Variants in PLXNA2 observed in about 807,000 individuals in gnomAD.
PLXNA2 encodes the protein plexin-A2.
In PLXNA2, 91 loss-of-function variants were observed where a neutral mutation model predicts 193.5. The observed-to-expected ratio is 0.47, with a 90% CI of 0.40 to 0.56. The LOEUF (loss-of-function observed/expected upper bound fraction) is 0.56. Among genes scored for constraint, PLXNA2 ranks in the 20% least tolerant of loss-of-function variants. PLXNA2 has a pLI of 0.00. For missense variants in PLXNA2, 1,995 were observed against 2,503.2 expected, an observed-to-expected ratio of 0.80 and a Z score of 4.33; for synonymous variants, 997 against 1,027.3, an observed-to-expected ratio of 0.97 and a Z score of 0.56.
intron 13 of PLXNA2, among the ~76,000 whole-genome samples, chr1:208,058,175 G>T (rs1051045379): frequency 6.6e-6 from 1 of 152,184 alleles, no homozygotes; most frequent in Non-Finnish European, 1.5e-5. Context: ...TACAGCAGAT[G>T]AGAGGGAAGC....
At chr1:208,114,749 T>C (rs1667586334) in intron 4 of PLXNA2, among the ~76,000 whole-genome samples, 2 of 152,218 alleles carry the variant, frequency 1.3e-5, no homozygotes, top group Non-Finnish European at 2.9e-5. Context: ...GAGTGACTGG[T>C]TCCCTTGGGC....
chr1:208,066,910 T>C (rs879857147), intron 12 of PLXNA2, among the ~76,000 whole-genome samples: 13 of 152,172 alleles, frequency 8.5e-5, no homozygotes, highest in Non-Finnish European at 1.8e-4. Flanking sequence ...AAAAAGTGAA[T>C]TTCAAAAATA....
At position 208,079,401 on chromosome 1, in the gene PLXNA2, G is replaced by A. The variant is rs778627407; in HGVS notation, c.2445C>T (p.Leu815=). ...CACACTCAAACTTCCGGTCGGCCTTGAGGCAGAGGCCGCAGCTCTCCCGCT... is the reference window on the plus strand; with the variant it reads ...CACACTCAAACTTCCGGTCGGCCTTAAGGCAGAGGCCGCAGCTCTCCCGCT... The part of the protein sequence containing the change: ...AAQRESCGLC[L]KADRKFECGW... Residue 815 remains leucine (L), a synonymous_variant, in exon 12 of 32, where the codon CTC becomes CTT. Coordinates refer to ENST00000367033, the MANE Select transcript of PLXNA2 (RefSeq NM_025179.4). 2.5e-6 allele frequency: 4 copies of A among 1,612,990 alleles called. No individual in the cohort carries two copies. The South Asian group carries it at 4.4e-5, about 18-fold the overall frequency.
intron 3 of PLXNA2, among the ~76,000 whole-genome samples, chr1:208,194,410 G>A (rs777961477): frequency 4.9e-5 from 7 of 143,520 alleles, no homozygotes; most frequent in Non-Finnish European, 9.0e-5. Flanking sequence ...CTGAAGGCAG[G>A]TTTATGAGAT....
At chr1:208,152,668 T>TACACAC (rs10564360) in intron 3 of PLXNA2, among the ~76,000 whole-genome samples, 16 of 137,540 alleles carry the variant, frequency 1.2e-4, no homozygotes, top group African/African-American at 3.4e-4. Context: ...TGCATACACA[T>TACACAC]ACACACACAC....
chr1:208,038,606 A>AT lies in PLXNA2; in HGVS notation c.4661-133_4661-132insA. The stretch of plus-strand genomic sequence containing the variant: ...AGCTGGTACCAATAACAGAGGCTAG[A>AT]GACATCTAGGGCTCCATGGGCCCAG... On this transcript the variant is annotated intron_variant, in intron 25 of 31. Transcript: ENST00000367033. The surrounding 1 kb of genome is among the most constrained non-coding windows in gnomAD (Gnocchi z 4.1). The AT allele has an allele frequency of 1.2e-6, 1 of 818,484 alleles. No homozygotes were observed. The highest frequency in any genetic ancestry group is 2.0e-6 in the Non-Finnish European group (1 of 494,284). 50.7% of individuals were successfully genotyped at this position (818,484 alleles called of 1,614,324 possible). A position where few individuals can be genotyped will look rare whatever the true frequency, so the allele number is the denominator to read the frequency against.
intron 3 of PLXNA2, among the ~76,000 whole-genome samples, chr1:208,171,831 G>C (rs1669503896): frequency 6.6e-6 from 1 of 152,076 alleles, no homozygotes. Flanking sequence ...ATGCCAGCCT[G>C]AGTGACAGTG....
intron 9 of PLXNA2, among the ~76,000 whole-genome samples, chr1:208,091,449 C>T (rs1035149539): frequency 1.2e-4 from 18 of 152,198 alleles, no homozygotes; most frequent in Admixed American, 6.5e-4. Flanking sequence ...AAAGGTCATT[C>T]GTTCATCCAT....
At chr1:208,064,227 C>T (rs1424065850) in intron 12 of PLXNA2, among the ~76,000 whole-genome samples, 3 of 152,234 alleles carry the variant, frequency 2.0e-5, no homozygotes, top group African/African-American at 4.8e-5. Flanking sequence ...CCATCATCTC[C>T]TACCCACACT....
At chr1:208,227,459 C>G (rs1671548789) in intron 1 of PLXNA2, among the ~76,000 whole-genome samples, 1 of 152,334 alleles carries the variant, frequency 6.6e-6, no homozygotes, top group Non-Finnish European at 1.5e-5. Flanking sequence ...GCTTTCCCTA[C>G]TATTCTACAC....
In PLXNA2 at chr1:208,155,157, T is replaced by G. The variant is rs532838765; in HGVS notation, c.1372-12694A>C. On this transcript the variant is annotated intron_variant, in intron 3 of 31. Transcript: ENST00000367033. ...CGCGAACCCCTTGCATAGTGGCCGT[T>G]CCAGCCTGCTTTTGAAGGCAGCCTC... 2.8e-3 allele frequency among the ~76,000 whole-genome samples: 426 copies of G among 152,254 alleles called. 2 individuals carry two copies. Among genetic ancestry groups the G allele is most frequent in the African/African-American group, 8.7e-3 (360 of 41,560 alleles).
rs772163887 is a variant in PLXNA2 at position 208,051,405 on chromosome 1, G to A, written c.3012C>T (p.Ile1004=). 6 of 1,610,676 alleles carry A rather than the reference G, an allele frequency of 3.7e-6. No individual in the cohort carries two copies. The highest frequency in any genetic ancestry group is 2.2e-5 in the East Asian group (1 of 44,790). ...TGGATGATGGGGGTGAGACACACAC[G>A]ATCTCACTCATTGACCTCCTGACAG... ...CEFYGRSMSE[I]VCVSPPSSNG... Residue 1004 remains isoleucine, a synonymous_variant, in exon 16 of 32, where the codon ATC becomes ATT. Coordinates refer to ENST00000367033, the MANE Select transcript of PLXNA2 (RefSeq NM_025179.4).
intron 1 of PLXNA2, among the ~76,000 whole-genome samples, chr1:208,223,003 G>A (rs1671389812): frequency 6.6e-6 from 1 of 152,022 alleles, no homozygotes; most frequent in Non-Finnish European, 1.5e-5. Context: ...GCACCTACTA[G>A]GGAGCTCACA....
chr1:208,028,812 C>T lies in PLXNA2; in HGVS notation c.5438+18G>A, dbSNP rs755092706. 1 of 1,610,028 alleles carries T rather than the reference C, an allele frequency of 6.2e-7. No homozygotes were observed. Among genetic ancestry groups the T allele is most frequent in the South Asian group, 1.1e-5 (1 of 90,854 alleles). Reference sequence around the variant, plus strand: ...CAGGGAGACAAGGGCATGGGCCTGTCCTGAGGGTGCTACTGACCTCTCCAC... The same window carrying T: ...CAGGGAGACAAGGGCATGGGCCTGTTCTGAGGGTGCTACTGACCTCTCCAC... On this transcript the variant is annotated intron_variant, in intron 30 of 31. Transcript: ENST00000367033. The surrounding 1 kb of genome is among the most constrained non-coding windows in gnomAD (Gnocchi z 4.2).
chr1:208,134,855 G>A (rs1668256834), intron 4 of PLXNA2, among the ~76,000 whole-genome samples: 1 of 152,154 alleles, frequency 6.6e-6, no homozygotes, highest in Non-Finnish European at 1.5e-5. Context: ...GACTCCCCAC[G>A]TTTTTTCTTT....
Position 208,138,109 on chromosome 1 carries a change from T to C in PLXNA2, c.1506+4220A>G, listed in dbSNP as rs983959104. Among the ~76,000 whole-genome samples, 8 of 152,204 alleles carry C rather than the reference T, an allele frequency of 5.3e-5. No individual in the cohort carries two copies. The East Asian group carries it at 1.3e-3, about 26-fold the overall frequency. On this transcript the variant is annotated intron_variant, in intron 4 of 31. Transcript: ENST00000367033. Reference sequence around the variant, plus strand: ...TTTTAGAGAACTTGAAAGTCTTAAATTGCTGTCTCAAAGTAGGAAAATAGA... The same window carrying C: ...TTTTAGAGAACTTGAAAGTCTTAAACTGCTGTCTCAAAGTAGGAAAATAGA...
intron 3 of PLXNA2, among the ~76,000 whole-genome samples, chr1:208,166,093 A>C (rs1311676802): frequency 6.6e-6 from 1 of 152,182 alleles, no homozygotes; most frequent in Non-Finnish European, 1.5e-5. Flanking sequence ...TTTACAAAGA[A>C]ATCATAAGGG....
Position 208,043,156 on chromosome 1 carries a change from C to G in PLXNA2, c.3922G>C (p.Asp1308His). 3 of 1,614,122 alleles carry G rather than the reference C, an allele frequency of 1.9e-6. No individual in the cohort carries two copies. Among genetic ancestry groups the G allele is most frequent in the Non-Finnish European group, 2.5e-6 (3 of 1,180,020 alleles). Residue 1308 changes from aspartate to histidine, a missense_variant, in exon 21 of 32, where the codon GAC becomes CAC. Around this residue, in one of 3 missense-constraint regions of PLXNA2, gnomAD observed 1,291 missense variants for 1,673.6 expected, o/e 0.77. Coordinates refer to ENST00000367033, the MANE Select transcript of PLXNA2 (RefSeq NM_025179.4). ...TDINELTSDLDRSGIPYLDYR... is the reference protein window; with the variant it reads ...TDINELTSDLHRSGIPYLDYR... The stretch of plus-strand genomic sequence containing the variant: ...TCCAGGTAAGGGATTCCTGAGCGGT[C>G]CAGGTCACTGGTCAACTCATTGATA...
At chr1:208,100,908 C>T (rs990738109) in intron 5 of PLXNA2, among the ~76,000 whole-genome samples, 2 of 152,182 alleles carry the variant, frequency 1.3e-5, no homozygotes, top group Non-Finnish European at 2.9e-5. Context: ...CTGGTGCCAG[C>T]GTGTCCAAAC....
Sources: gnomAD v4.1 joint callset for allele counts (sites outside exome capture counted in the v4.1 genomes callset) on GRCh38, gnomAD v4.1.1 for gene constraint, gnomAD v4.1.1 regional missense constraint, Gnocchi (gnomAD v3.1) non-coding constraint, MANE v1.5 for transcripts, NCBI Gene and HGNC (gene_info 2026-07-23, HGNC 2026-07-21) for gene names.